Variants in TBX1 observed in about 807,000 individuals in gnomAD.
TBX1 encodes the protein T-box transcription factor 1.
TBX1 carries 16 observed loss-of-function variants against 40.8 expected under a neutral mutation model. The observed-to-expected ratio is 0.39, with a 90% confidence interval of 0.27 to 0.60. TBX1 has a LOEUF of 0.60. Ranked by LOEUF, TBX1 falls within the 20% of genes least tolerant of loss-of-function variation. TBX1 has a pLI of 0.51. For missense variants in TBX1, 755 were observed against 728.5 expected, an observed-to-expected ratio of 1.04 and a Z score of -0.42; for synonymous variants, 403 against 336.8, an observed-to-expected ratio of 1.20 and a Z score of -2.15.
intron 2 of TBX1, 140 bp from the exon 3 acceptor site, chr22:19,764,015 C>T: frequency 1.1e-6 from 1 of 908,448 alleles, no homozygotes; most frequent in Non-Finnish European, 1.7e-6. Context: ...TGGAAAAGCT[C>T]CCAGCACATG....
chr22:19,757,038 C>T (rs1936502731), upstream of TBX1, among the ~76,000 whole-genome samples: 1 of 152,164 alleles, frequency 6.6e-6, no homozygotes, highest in African/African-American at 2.4e-5. Flanking sequence ...CTGGGACGGC[C>T]TCGCGCTTCG....
chr22:19,763,756 G>A (rs1440091186), intron 2 of TBX1: 2 of 395,588 alleles, frequency 5.1e-6, no homozygotes, highest in Non-Finnish European at 9.3e-6. Context: ...TATGCAGGGC[G>A]GGCCTCAGCT....
At chr22:19,768,412 G>A (rs1291278922), downstream of TBX1, among the ~76,000 whole-genome samples, 1 of 152,192 alleles carries the variant, frequency 6.6e-6, no homozygotes, top group East Asian at 1.9e-4. Context: ...CATTCCCAGA[G>A]GCCAGTCTAG....
intron 3 of TBX1, 88 bp downstream of exon 3, chr22:19,764,414 C>A: frequency 2.6e-6 from 4 of 1,541,926 alleles, no homozygotes; most frequent in Non-Finnish European, 3.5e-6. Context: ...TGTAGAATCC[C>A]CAGGCCCCCG....
At chr22:19,776,207 C>T (rs1034222995) in intron 8 of TBX1, among the ~76,000 whole-genome samples, 3 of 152,068 alleles carry the variant, frequency 2.0e-5, no homozygotes, top group Non-Finnish European at 2.9e-5. Context: ...CTCGTGGCTC[C>T]GTGTCTGCCC....
At position 19,763,359 on chromosome 22, in the gene TBX1, A is replaced by AAGCGTGAGGG. The variant is rs746468940; in HGVS notation, c.539+19_539+28dup. On this transcript the variant is annotated intron_variant, in intron 2 of 6. Transcript: ENST00000649276. ...GCGCTACCGGTGAGCGAGTGGTTGT[A>AAGCGTGAGGG]AGCGTGAGGGACCGGGAGGGCACCC... 4 of 1,613,122 alleles carry AAGCGTGAGGG rather than the reference A, an allele frequency of 2.5e-6. 1 individual carries two copies. The East Asian group carries it at 8.9e-5, about 36-fold the overall frequency.
chr22:19,774,702 G>C (rs1301739473), intron 8 of TBX1, among the ~76,000 whole-genome samples: 2 of 152,142 alleles, frequency 1.3e-5, no homozygotes, highest in Non-Finnish European at 2.9e-5. Context: ...TATGCTCCGT[G>C]AATTGAGCCG....
Position 19,765,068 on chromosome 22 carries a change from C to G in TBX1, c.822C>G (p.Phe274Leu), listed in dbSNP as rs763559631. ...AGGAGAACTTCAAAACCTTTGTGTT[C>G]GAGGAGACACGATTCACCGCGGTCA... ...YAEENFKTFV[F>L]EETRFTAVTA... The change falls in exon 4 of 7, where the codon TTC becomes TTG. Residue 274 changes from phenylalanine to leucine, a missense_variant. Transcript: ENST00000649276. 2 of 1,614,190 alleles carry G rather than the reference C, an allele frequency of 1.2e-6. No individual in the cohort carries two copies. The highest frequency in any genetic ancestry group is 1.1e-5 in the South Asian group (1 of 91,074).
At position 19,766,770 on chromosome 22, in the gene TBX1, C is replaced by T. The variant is rs1299288698; in HGVS notation, c.1418C>T (p.Ala473Val). ...HHHHPVSPAAAAAAAAAAAAA... is the reference protein window; with the variant it reads ...HHHHPVSPAAVAAAAAAAAAA... ...CACCACCCCGTGAGTCCAGCCGCCG[C>T]GGCCGCCGCCGCCGCTGCCGCAGCT... The change falls in exon 7 of 7, where the codon GCG (alanine) becomes GTG (valine). Residue 473 changes from alanine to valine, a missense_variant. By Grantham distance (64) the Ala-to-Val change is moderately conservative. Around this residue, in one of 3 missense-constraint regions of TBX1, gnomAD observed 412 missense variants for 317.6 expected, o/e 1.30. Coordinates refer to ENST00000649276, the MANE Select transcript of TBX1 (RefSeq NM_001379200.1). 3 of 1,471,304 alleles carry T rather than the reference C, an allele frequency of 2.0e-6. No individual in the cohort carries two copies. Among genetic ancestry groups the T allele is most frequent in the Non-Finnish European group, 1.8e-6 (2 of 1,124,856 alleles). The allele number at this position is 1,471,304 out of a possible 1,614,324, so 91.1% of individuals were successfully genotyped here.
downstream of TBX1, chr22:19,783,202 C>G (rs1159227681): frequency 3.1e-6 from 2 of 643,922 alleles, no homozygotes; most frequent in African/African-American, 3.6e-5. Context: ...GCCCACGTGC[C>G]CAGAATGGCT....
chr22:19,760,074 C>G (rs549491149), upstream of TBX1, among the ~76,000 whole-genome samples: 1 of 151,398 alleles, frequency 6.6e-6, no homozygotes, highest in Non-Finnish European at 1.5e-5. Flanking sequence ...ACACAAAAAA[C>G]CCAAAGAAGA....
chr22:19,766,772 G>A lies in TBX1; in HGVS notation c.1420G>A (p.Ala474Thr). Reference protein sequence around the residue: ...HHHPVSPAAAAAAAAAAAAAA... With the variant: ...HHHPVSPAAATAAAAAAAAAA... ...CCACCCCGTGAGTCCAGCCGCCGCG[G>A]CCGCCGCCGCCGCTGCCGCAGCTGC... is the stretch of plus-strand genomic sequence containing the variant. The change falls in exon 7 of 7, where the codon GCC (alanine) becomes ACC (threonine). Residue 474 changes from alanine to threonine, a missense_variant. Transcript: ENST00000649276. 1.4e-6 allele frequency: 2 copies of A among 1,460,350 alleles called. No homozygotes were observed. Among genetic ancestry groups the A allele is most frequent in the Admixed American group, 2.8e-5 (1 of 35,664 alleles). 90.5% of individuals were successfully genotyped at this position (1,460,350 alleles called of 1,614,324 possible). A position where few individuals can be genotyped will look rare whatever the true frequency, so the allele number is the denominator to read the frequency against.
chr22:19,763,269 C>A lies in TBX1; in HGVS notation c.466C>A (p.Leu156Ile). The change falls in exon 2 of 7, where the codon CTC becomes ATC. Residue 156 changes from leucine to isoleucine, a missense_variant. Leu to Ile is a conservative substitution (Grantham distance 5). This residue lies in a region of TBX1 where 144 missense variants were observed against 238.0 expected (regional missense o/e 0.61). Transcript: ENST00000649276. Reference sequence around the variant, plus strand: ...GATGTTTCCCACCTTCCAAGTGAAGCTCTTCGGCATGGATCCCATGGCCGA... The same window carrying A: ...GATGTTTCCCACCTTCCAAGTGAAGATCTTCGGCATGGATCCCATGGCCGA... Reference protein sequence around the residue: ...RRMFPTFQVKLFGMDPMADYM... With the variant: ...RRMFPTFQVKIFGMDPMADYM... 7 of 1,614,178 alleles carry A rather than the reference C, an allele frequency of 4.3e-6. No individual in the cohort carries two copies. Among genetic ancestry groups the A allele is most frequent in the Non-Finnish European group, 5.9e-6 (7 of 1,180,006 alleles).
chr22:19,760,809 T>G lies in TBX1; in HGVS notation c.-35T>G. 1.4e-6 allele frequency: 1 copy of G among 693,116 alleles called. No individual in the cohort carries two copies. The highest frequency in any genetic ancestry group is 1.8e-6 in the Non-Finnish European group (1 of 566,106). The allele number at this position is 693,116 out of a possible 1,614,324, so 42.9% of individuals were successfully genotyped here. ...CCCGCGGCGCGGGGCAGCGCTCAGC[T>G]TGGTGGCGGGGGCGGCGGCGGCGGC... On this transcript the variant is annotated 5_prime_UTR_variant, in exon 1 of 7. Transcript: ENST00000649276.
rs753713234 is a variant in TBX1 at position 19,766,735 on chromosome 22, G to GCAC, written c.1397_1399dup (p.His466dup). The GCAC allele has an allele frequency of 2.9e-5, 44 of 1,541,790 alleles. No individual in the cohort carries two copies. The highest frequency in any genetic ancestry group is 3.8e-4 in the Middle Eastern group (2 of 5,244). On this transcript the variant is annotated inframe_insertion, in exon 7 of 7. Coordinates refer to ENST00000649276, the MANE Select transcript of TBX1 (RefSeq NM_001379200.1). ...ACGGCTACCACCCGCACGCGCATCC[G>GCAC]CACCACCACCACCACCCCGTGAGTC...
At chr22:19,764,027 G>A (rs1330424039) in intron 2 of TBX1, 128 bp from the exon 3 acceptor site, 48 of 1,016,154 alleles carry the variant, frequency 4.7e-5, no homozygotes, top group East Asian at 2.3e-4. Flanking sequence ...CAGCACATGC[G>A]GCAGCAGAGG....
chr22:19,769,476 C>G (rs929499858), downstream of TBX1, among the ~76,000 whole-genome samples: 1 of 152,246 alleles, frequency 6.6e-6, no homozygotes, highest in Admixed American at 6.5e-5. Context: ...AATGAGAGCT[C>G]GCAGGCCGGC....
chr22:19,760,568 G>A (rs1183252788), upstream of TBX1, among the ~76,000 whole-genome samples: 1 of 140,012 alleles, frequency 7.1e-6, no homozygotes, highest in Non-Finnish European at 1.6e-5. Flanking sequence ...GCGGTCGGGG[G>A]GCCCCGGGCC....
At chr22:19,758,333 AAGGCACAG>A (rs1193573360), upstream of TBX1, among the ~76,000 whole-genome samples, 2 of 152,066 alleles carry the variant, frequency 1.3e-5, no homozygotes, top group African/African-American at 4.8e-5. Flanking sequence ...AGGCTCCAGC[AAGGCACAG>A]AGGCACAGAG....
Sources: gnomAD v4.1 joint callset for allele counts (sites outside exome capture counted in the v4.1 genomes callset) on GRCh38, gnomAD v4.1.1 for gene constraint, gnomAD v4.1.1 regional missense constraint, MANE v1.5 for transcripts, NCBI Gene and HGNC (gene_info 2026-07-23, HGNC 2026-07-21) for gene names.